The following ARPP21 variants were observed in gnomAD, a reference collection of about 807,000 sequenced individuals.
ARPP21 encodes the protein cAMP-regulated phosphoprotein 21.
In ARPP21, 69 loss-of-function variants were observed where a neutral mutation model predicts 113.2. That is an observed-to-expected ratio of 0.61 (90% CI 0.50 to 0.74). ARPP21 has a LOEUF of 0.74. ARPP21 is among the 30% of genes least tolerant of loss of function. ARPP21 has a pLI of 0.00. For missense variants in ARPP21, 1,070 were observed against 1,037.4 expected (o/e 1.03, Z -0.43); for synonymous variants, 368 against 375.5 (o/e 0.98, Z 0.23).
chr3:35,683,584 C>T, intron 4 of ARPP21, 142 bp from the exon 5 acceptor site: 1 of 645,930 alleles, frequency 1.5e-6, no homozygotes, highest in Non-Finnish European at 2.8e-6. Flanking sequence ...GTAGACAGTA[C>T]TGATTGGCAG....
intron 10 of ARPP21, among the ~76,000 whole-genome samples, chr3:35,707,879 AATG>A (rs1422697614): frequency 6.6e-6 from 1 of 152,228 alleles, no homozygotes. Context: ...TAAATTTTTA[AATG>A]ATGATAACAA....
intron 20 of ARPP21, among the ~76,000 whole-genome samples, chr3:35,792,780 A>G (rs1389320365): frequency 5.3e-5 from 8 of 152,244 alleles, no homozygotes; most frequent in Admixed American, 1.3e-4. Context: ...CATGGAAGAA[A>G]ATACATTAGT....
At chr3:35,741,005 G>T (rs553346970) in intron 18 of ARPP21, among the ~76,000 whole-genome samples, 12 of 152,194 alleles carry the variant, frequency 7.9e-5, no homozygotes, top group Non-Finnish European at 1.6e-4. Context: ...GGGAGGCTGA[G>T]GTGGGAGAAT....
intron 10 of ARPP21, among the ~76,000 whole-genome samples, chr3:35,707,715 AC>A (rs1461390066): frequency 6.6e-6 from 1 of 152,098 alleles, no homozygotes; most frequent in Non-Finnish European, 1.5e-5. Context: ...TTTGCTTGTG[AC>A]AAAACATTAT....
intron 1 of ARPP21, among the ~76,000 whole-genome samples, chr3:35,654,469 C>T (rs11129660): frequency 0.16 from 24,374 of 152,006 alleles, 2,221 homozygotes; most frequent in Non-Finnish European, 0.21. Flanking sequence ...TGGAATTTAC[C>T]GATATTGAGC....
At chr3:35,707,414 G>A in intron 10 of ARPP21, 1 of 509,084 alleles carries the variant, frequency 2.0e-6, no homozygotes, top group South Asian at 1.5e-5. Context: ...ATATCCAGAT[G>A]TCTGTGTAAC....
chr3:35,789,707 C>T (rs1004157904), intron 19 of ARPP21, among the ~76,000 whole-genome samples: 2 of 152,160 alleles, frequency 1.3e-5, no homozygotes, highest in African/African-American at 4.8e-5. Flanking sequence ...GGGCTGGCAG[C>T]AAAGACGAAT....
intron 1 of ARPP21, among the ~76,000 whole-genome samples, chr3:35,674,273 G>T (rs996554994): frequency 3.3e-5 from 5 of 152,020 alleles, no homozygotes; most frequent in Middle Eastern, 3.4e-3. Flanking sequence ...TATAGGATAA[G>T]TGTGTAACTC....
At position 35,687,797 on chromosome 3, in the gene ARPP21, G is replaced by T; in HGVS notation, c.320G>T (p.Arg107Met). Residue 107 changes from arginine to methionine, a missense_variant, in exon 6 of 21, where the codon AGG becomes ATG. Physicochemically the swap from Arg to Met is moderately conservative, Grantham distance 91. Transcript: ENST00000684406. ...AGCCTGCAAGAGGAGGATAAATCTA[G>T]GAAAGATGACTCTGAAAGAGAAAAA... is the stretch of plus-strand genomic sequence containing the variant. Reference protein sequence around the residue: ...FSSLQEEDKSRKDDSEREKEK... With the variant: ...FSSLQEEDKSMKDDSEREKEK... The T allele has an allele frequency of 6.2e-7, 1 of 1,606,478 alleles. No homozygotes were observed. The highest frequency in any genetic ancestry group is 1.1e-5 in the South Asian group (1 of 89,892).
At chr3:35,769,787 C>A (rs539697873) in intron 19 of ARPP21, among the ~76,000 whole-genome samples, 1 of 152,102 alleles carries the variant, frequency 6.6e-6, no homozygotes, top group Non-Finnish European at 1.5e-5. Context: ...AACACATTCC[C>A]GTAACTAAAG....
At chr3:35,739,273 A>T (rs780482295) in intron 17 of ARPP21, 44 bp from the exon 18 acceptor site, 12 of 1,592,438 alleles carry the variant, frequency 7.5e-6, no homozygotes, top group South Asian at 4.6e-5. Flanking sequence ...TCTTATTACC[A>T]AGCTGATCCT....
intron 9 of ARPP21, among the ~76,000 whole-genome samples, chr3:35,704,236 A>G (rs575737719): frequency 6.6e-6 from 1 of 151,902 alleles, no homozygotes; most frequent in Non-Finnish European, 1.5e-5. Context: ...TGCATTTTGC[A>G]TAATTTGTAT....
At chr3:35,706,386 C>A (rs896780735) in intron 9 of ARPP21, among the ~76,000 whole-genome samples, 6 of 152,190 alleles carry the variant, frequency 3.9e-5, no homozygotes, top group African/African-American at 1.4e-4. Flanking sequence ...AAACTAAATA[C>A]CTCCATTTTC....
chr3:35,743,978 T>C lies in ARPP21; in HGVS notation c.2137+13T>C, dbSNP rs1559822265. The C allele has an allele frequency of 6.2e-7, 1 of 1,614,016 alleles. No homozygotes were observed. The highest frequency in any genetic ancestry group is 8.5e-7 in the Non-Finnish European group (1 of 1,179,920). ...GCACAGCAAGCAGGTACTTGGAATCTGTTTCCCATTTGCTTCTCAACCCAG... is the reference window on the plus strand; with the variant it reads ...GCACAGCAAGCAGGTACTTGGAATCCGTTTCCCATTTGCTTCTCAACCCAG... On this transcript the variant is annotated intron_variant, in intron 19 of 20. Coordinates refer to ENST00000684406, the MANE Select transcript of ARPP21 (RefSeq NM_001385562.1).
chr3:35,744,848 T>C (rs192544685), intron 19 of ARPP21, among the ~76,000 whole-genome samples: 2 of 152,352 alleles, frequency 1.3e-5, no homozygotes, highest in East Asian at 3.9e-4. Flanking sequence ...ATGTAATATA[T>C]ACACAATATG....
intron 1 of ARPP21, among the ~76,000 whole-genome samples, chr3:35,668,015 A>AGAAGG (rs1559550223): frequency 5.7e-5 from 8 of 140,094 alleles, no homozygotes; most frequent in African/African-American, 2.2e-4. Context: ...GAAGAAGAAG[A>AGAAGG]AGAAGAAGAA....
intron 1 of ARPP21, among the ~76,000 whole-genome samples, chr3:35,651,330 C>A (rs1702289360): frequency 6.6e-6 from 1 of 151,988 alleles, no homozygotes. Flanking sequence ...GAGAAAGAAC[C>A]TACTTTTTGA....
intron 1 of ARPP21, chr3:35,650,617 G>A (rs921558575): frequency 1.3e-5 from 2 of 152,084 alleles, no homozygotes; most frequent in Non-Finnish European, 2.9e-5. Context: ...AAACAAACAT[G>A]GAAGAGTGAG....
intron 1 of ARPP21, among the ~76,000 whole-genome samples, chr3:35,674,818 A>G (rs1341987875): frequency 3.9e-5 from 6 of 151,964 alleles, no homozygotes; most frequent in Non-Finnish European, 8.8e-5. Flanking sequence ...TGATATGCTC[A>G]GGACATTTCT....
Sources: allele counts gnomAD v4.1 joint callset (sites outside exome capture counted in the v4.1 genomes callset), GRCh38; gene constraint gnomAD v4.1.1; transcripts MANE v1.5; gene names NCBI Gene and HGNC (gene_info 2026-07-23, HGNC 2026-07-21).